Variants in ADGRB3 observed in about 807,000 individuals in gnomAD.
The protein encoded by ADGRB3 is adhesion G protein-coupled receptor B3.
ADGRB3 carries 37 observed loss-of-function variants against 193.4 expected under a neutral mutation model. That is an observed-to-expected ratio of 0.19 (90% CI 0.15 to 0.25). The LOEUF (loss-of-function observed/expected upper bound fraction) is 0.25. ADGRB3 is among the 10% of genes least tolerant of loss of function. The pLI, the probability that ADGRB3 is intolerant of heterozygous loss-of-function variation, is 1.00. For missense variants in ADGRB3, 1,637 were observed against 1,852.9 expected (o/e 0.88, Z 2.14); for synonymous variants, 690 against 644.2 (o/e 1.07, Z -1.08).
At chr6:68,850,194 A>G (rs13207774) in intron 3 of ADGRB3, among the ~76,000 whole-genome samples, 19,651 of 151,506 alleles carry the variant, frequency 0.13, 1,447 homozygotes, top group Middle Eastern at 0.19. Context: ...TCATTTTACC[A>G]TGGATTCTCG....
chr6:68,772,888 AAAAAAAATATATATATATATATATAT>A (rs1298491269), intron 3 of ADGRB3, among the ~76,000 whole-genome samples: 1 of 51,936 alleles, frequency 1.9e-5, no homozygotes, highest in Non-Finnish European at 3.3e-5. Flanking sequence ...CAAACAAAAA[AAAAAAAATATATATATATATATATAT>A]ATATATATAT....
At chr6:68,714,588 A>C (rs1050502483) in intron 3 of ADGRB3, among the ~76,000 whole-genome samples, 2 of 151,864 alleles carry the variant, frequency 1.3e-5, no homozygotes, top group Non-Finnish European at 2.9e-5. Context: ...CAATCTAAAA[A>C]GTATATGTAA....
intron 8 of ADGRB3, among the ~76,000 whole-genome samples, chr6:68,958,091 C>T (rs996632829): frequency 2.6e-5 from 4 of 151,940 alleles, no homozygotes; most frequent in African/African-American, 7.3e-5. Context: ...ATCCCAGCTA[C>T]GCAGGAGGCT....
chr6:69,120,712 C>CT (rs574531357), intron 17 of ADGRB3, among the ~76,000 whole-genome samples: 27 of 151,904 alleles, frequency 1.8e-4, no homozygotes, highest in South Asian at 6.3e-4. Flanking sequence ...CAGTTTACCT[C>CT]TTTTTTTTGC....
At chr6:69,269,389 T>A (rs1767123255) in intron 20 of ADGRB3, among the ~76,000 whole-genome samples, 1 of 152,122 alleles carries the variant, frequency 6.6e-6, no homozygotes, top group Non-Finnish European at 1.5e-5. Flanking sequence ...TAAAAAAAAA[T>A]TATCTTAAAA....
intron 28 of ADGRB3, among the ~76,000 whole-genome samples, chr6:69,357,334 GT>G (rs1325390559): frequency 6.6e-6 from 1 of 151,856 alleles, no homozygotes; most frequent in African/African-American, 2.4e-5. Flanking sequence ...TAAAGGTTTT[GT>G]TTTTGGTATG....
intron 20 of ADGRB3, among the ~76,000 whole-genome samples, chr6:69,262,902 C>A (rs924651477): frequency 6.6e-6 from 1 of 151,924 alleles, no homozygotes; most frequent in Non-Finnish European, 1.5e-5. Flanking sequence ...AACATATTCC[C>A]GTCCCATAAA....
At chr6:69,371,204 C>T (rs771164588) in intron 29 of ADGRB3, among the ~76,000 whole-genome samples, 2 of 152,058 alleles carry the variant, frequency 1.3e-5, no homozygotes, top group African/African-American at 4.8e-5. Flanking sequence ...CGGCATGTCC[C>T]CTTCTGTCTA....
intron 3 of ADGRB3, among the ~76,000 whole-genome samples, chr6:68,787,698 T>C (rs1019561931): frequency 6.6e-6 from 1 of 152,214 alleles, no homozygotes; most frequent in African/African-American, 2.4e-5. Context: ...TCCCTCTTTT[T>C]CTATTGATTG....
intron 17 of ADGRB3, among the ~76,000 whole-genome samples, chr6:69,196,687 TA>T (rs372154113): frequency 1.5e-3 from 229 of 152,264 alleles, no homozygotes; most frequent in African/African-American, 5.1e-3. Flanking sequence ...AGCTGCATTT[TA>T]AGATTTTAGA....
rs1459245034 is a variant in ADGRB3 at position 69,378,645 on chromosome 6, A to G, written c.4276-4186A>G. 2.0e-5 allele frequency among the ~76,000 whole-genome samples: 3 copies of G among 152,068 alleles called. No homozygotes were observed. In the East Asian group the frequency reaches 5.8e-4, roughly 29 times the overall value. On this transcript the variant is annotated intron_variant, in intron 30 of 31. Transcript: ENST00000370598. ...ATTACCCTGCAACGTAAGTCTGATTACTGAAACTGGGGCTAAAAGGAGATT... is the reference window on the plus strand; with the variant it reads ...ATTACCCTGCAACGTAAGTCTGATTGCTGAAACTGGGGCTAAAAGGAGATT...
intron 30 of ADGRB3, among the ~76,000 whole-genome samples, chr6:69,380,936 A>G (rs1342762711): frequency 6.6e-6 from 1 of 151,960 alleles, no homozygotes; most frequent in Non-Finnish European, 1.5e-5. Context: ...ACTGTGCCAT[A>G]GAAGAAAATA....
In ADGRB3 at chr6:69,331,976, T is replaced by TA. The variant is rs568472551; in HGVS notation, c.3103-946dup. Reference sequence around the variant, plus strand: ...TAATAGGTATGTTTTGCATCTTCCTTACGTTAGCAACTGGACACATTTTAG... The same window carrying TA: ...TAATAGGTATGTTTTGCATCTTCCTTAACGTTAGCAACTGGACACATTTTAG... On this transcript the variant is annotated intron_variant, in intron 23 of 31. Transcript: ENST00000370598. 119 of 985,320 alleles carry TA rather than the reference T, an allele frequency of 1.2e-4. No homozygotes were observed. In the African/African-American group the frequency reaches 1.9e-3, roughly 16 times the overall value. The allele number at this position is 985,320 out of a possible 1,614,324, so 61.0% of individuals were successfully genotyped here. A position where few individuals can be genotyped will look rare whatever the true frequency, so the allele number is the denominator to read the frequency against.
chr6:69,326,848 T>A (rs1255338558), intron 21 of ADGRB3, among the ~76,000 whole-genome samples: 1 of 151,466 alleles, frequency 6.6e-6, no homozygotes, highest in Non-Finnish European at 1.5e-5. Flanking sequence ...AAAGGGAGGA[T>A]AAGGATGAGG....
chr6:68,938,080 C>T (rs1013483467), intron 5 of ADGRB3, among the ~76,000 whole-genome samples: 2 of 151,830 alleles, frequency 1.3e-5, no homozygotes, highest in African/African-American at 2.4e-5. Flanking sequence ...AAAAGCTAAG[C>T]AGGGCAGAAA....
At chr6:68,989,017 A>G (rs1456352282) in intron 10 of ADGRB3, among the ~76,000 whole-genome samples, 2 of 152,176 alleles carry the variant, frequency 1.3e-5, no homozygotes, top group Non-Finnish European at 2.9e-5. Context: ...CTCCACACCC[A>G]GAGAAATGCA....
chr6:68,903,263 C>A (rs1003906456), intron 3 of ADGRB3, among the ~76,000 whole-genome samples: 1 of 152,116 alleles, frequency 6.6e-6, no homozygotes, highest in African/African-American at 2.4e-5. Flanking sequence ...AATAGGAGAT[C>A]ATGCATTATT....
intron 26 of ADGRB3, among the ~76,000 whole-genome samples, chr6:69,340,419 A>G (rs2127319757): frequency 6.6e-6 from 1 of 152,264 alleles, no homozygotes; most frequent in East Asian, 1.9e-4. Context: ...GTGCCATGCT[A>G]GTCACTTTGA....
intron 3 of ADGRB3, among the ~76,000 whole-genome samples, chr6:68,715,284 C>T (rs983148039): frequency 2.6e-5 from 4 of 151,384 alleles, no homozygotes; most frequent in South Asian, 2.1e-4. Context: ...GTGTAACGCA[C>T]GTCTGCACTT....
Sources: allele counts gnomAD v4.1 joint callset (sites outside exome capture counted in the v4.1 genomes callset), GRCh38; gene constraint gnomAD v4.1.1; transcripts MANE v1.5; gene names NCBI Gene and HGNC (gene_info 2026-07-23, HGNC 2026-07-21).